The following ZNF423 variants were observed in gnomAD, a reference collection of about 807,000 sequenced individuals.
The protein encoded by ZNF423 is zinc finger protein 423, also known as Ebf-associated zinc finger protein.
ZNF423 carries 12 observed loss-of-function variants against 95.8 expected under a neutral mutation model. That is an observed-to-expected ratio of 0.13 (90% CI 0.08 to 0.20). The LOEUF (loss-of-function observed/expected upper bound fraction) is 0.20. Ranked by LOEUF, ZNF423 falls within the 10% of genes least tolerant of loss-of-function variation. ZNF423 has a pLI of 1.00. For missense variants in ZNF423, 1,316 were observed against 1,737.1 expected (o/e 0.76, Z 4.31); for synonymous variants, 749 against 711.9 (o/e 1.05, Z -0.83).
chr16:49,772,552 G>A (rs577734687), intron 2 of ZNF423, among the ~76,000 whole-genome samples: 4 of 152,294 alleles, frequency 2.6e-5, no homozygotes, highest in East Asian at 1.9e-4. Flanking sequence ...TCCCAGCTTC[G>A]GGGGCAAGGG....
At chr16:49,745,263 G>A (rs939345313) in intron 2 of ZNF423, among the ~76,000 whole-genome samples, 37 of 152,132 alleles carry the variant, frequency 2.4e-4, no homozygotes, top group Admixed American at 6.5e-5. Flanking sequence ...CAGAAAGACT[G>A]CTCATAATTA....
chr16:49,848,449 C>G (rs2035268095), intron 1 of ZNF423, among the ~76,000 whole-genome samples: 1 of 152,190 alleles, frequency 6.6e-6, no homozygotes, highest in African/African-American at 2.4e-5. Context: ...ACAAGCAAAT[C>G]TTTTTCTGTA....
chr16:49,811,241 G>T (rs1014776036), intron 1 of ZNF423, among the ~76,000 whole-genome samples: 2 of 152,204 alleles, frequency 1.3e-5, no homozygotes, highest in African/African-American at 4.8e-5. Flanking sequence ...AGGTCTGCTT[G>T]GGGGTAGTGA....
chr16:49,644,024 G>C (rs1423431305), intron 3 of ZNF423, among the ~76,000 whole-genome samples: 1 of 152,240 alleles, frequency 6.6e-6, no homozygotes, highest in African/African-American at 2.4e-5. Context: ...TCTAGGCTGA[G>C]CAGTGCAAGT....
Position 49,638,075 on chromosome 16 carries a change from A to G in ZNF423, c.1101T>C (p.Pro367=), listed in dbSNP as rs773496189. ...TCATGGAGGCCACGCTGCCCAGTACAGGGTCGGGACTGACACTGTGGTTGC... is the reference window on the plus strand; with the variant it reads ...TCATGGAGGCCACGCTGCCCAGTACGGGGTCGGGACTGACACTGTGGTTGC... ...DSSNHSVSPD[P]VLGSVASMSS... is the part of the protein sequence containing the mutation. Residue 367 remains proline, a synonymous_variant, in exon 4 of 8, where the codon CCT becomes CCC. Coordinates refer to ENST00000563137, the MANE Select transcript of ZNF423 (RefSeq NM_001379286.1). The surrounding 1 kb of genome is among the most constrained non-coding windows in gnomAD (Gnocchi z 5.6). The G allele has an allele frequency of 5.6e-6, 9 of 1,613,718 alleles. No homozygotes were observed. Among genetic ancestry groups the G allele is most frequent in the Non-Finnish European group, 3.4e-6 (4 of 1,179,972 alleles).
chr16:49,723,679 T>G (rs1163453909), intron 3 of ZNF423, among the ~76,000 whole-genome samples: 1 of 152,224 alleles, frequency 6.6e-6, no homozygotes, highest in Non-Finnish European at 1.5e-5. Flanking sequence ...TGTTTTCTTT[T>G]AGTATTTTAA....
At chr16:49,841,214 T>C (rs994429381) in intron 1 of ZNF423, among the ~76,000 whole-genome samples, 2 of 152,122 alleles carry the variant, frequency 1.3e-5, no homozygotes, top group African/African-American at 4.8e-5. Flanking sequence ...CTCCAGAAGC[T>C]TGGGGATCCT....
At chr16:49,528,012 C>T (rs555285144) in intron 5 of ZNF423, among the ~76,000 whole-genome samples, 8 of 152,310 alleles carry the variant, frequency 5.3e-5, no homozygotes, top group South Asian at 2.1e-4. Context: ...CTGGGCTTGC[C>T]TGCAGGAGGG....
intron 2 of ZNF423, among the ~76,000 whole-genome samples, chr16:49,740,523 A>G (rs910636116): frequency 1.3e-5 from 2 of 152,160 alleles, no homozygotes; most frequent in Admixed American, 1.3e-4. Flanking sequence ...AACATTTAAC[A>G]CTCAGCCTAA....
Position 49,493,894 on chromosome 16 carries a change from T to C in ZNF423, c.3850-2590A>G, listed in dbSNP as rs574652599. Among the ~76,000 whole-genome samples the C allele has an allele frequency of 7.9e-5, 12 of 152,260 alleles. No homozygotes were observed. The South Asian group carries it at 2.5e-3, about 32-fold the overall frequency. On this transcript the variant is annotated intron_variant, in intron 7 of 7. Transcript: ENST00000563137. ...TGGTGGGCACATGGCCTACGGACAGTGGAGGCCTTGAGTACCAACAAACAT... is the reference window on the plus strand; with the variant it reads ...TGGTGGGCACATGGCCTACGGACAGCGGAGGCCTTGAGTACCAACAAACAT...
intron 2 of ZNF423, among the ~76,000 whole-genome samples, chr16:49,747,088 C>T (rs1375592807): frequency 2.0e-5 from 3 of 152,096 alleles, no homozygotes; most frequent in Non-Finnish European, 4.4e-5. Flanking sequence ...TCAGTCACTG[C>T]CCACAGAAGC....
chr16:49,650,276 G>C (rs1056672361), intron 3 of ZNF423, among the ~76,000 whole-genome samples: 1 of 152,210 alleles, frequency 6.6e-6, no homozygotes, highest in Non-Finnish European at 1.5e-5. Context: ...GAGTAAGAGT[G>C]TGCACTGGCT....
chr16:49,758,430 C>T lies in ZNF423; in HGVS notation c.101-27459G>A, dbSNP rs537204304. Among the ~76,000 whole-genome samples, 8 of 152,250 alleles carry T rather than the reference C, an allele frequency of 5.3e-5. No homozygotes were observed. The East Asian group carries it at 1.5e-3, about 29-fold the overall frequency. On this transcript the variant is annotated intron_variant, in intron 2 of 7. Coordinates refer to ENST00000563137, the MANE Select transcript of ZNF423 (RefSeq NM_001379286.1). ...TTGGGATTACAGGGGTGAGCCACTG[C>T]GCCTGACCAAAAGAATTTTTAAAAT...
chr16:49,557,257 T>C (rs1375215513), intron 5 of ZNF423, among the ~76,000 whole-genome samples: 1 of 152,162 alleles, frequency 6.6e-6, no homozygotes, highest in Admixed American at 6.5e-5. Context: ...GAGGCCACGG[T>C]AAATTCTGCC....
intron 7 of ZNF423, among the ~76,000 whole-genome samples, chr16:49,499,683 A>C (rs754865070): frequency 6.6e-6 from 1 of 152,148 alleles, no homozygotes; most frequent in Non-Finnish European, 1.5e-5. Flanking sequence ...GACACAAAAG[A>C]CCAACGCAGG....
chr16:49,766,950 TTC>T (rs1319758570), intron 2 of ZNF423, among the ~76,000 whole-genome samples: 2 of 151,918 alleles, frequency 1.3e-5, no homozygotes, highest in Non-Finnish European at 2.9e-5. Flanking sequence ...CAGAACCCAA[TTC>T]TTTTTTTTTC....
chr16:49,753,731 C>T (rs1213694389), intron 2 of ZNF423, among the ~76,000 whole-genome samples: 4 of 152,236 alleles, frequency 2.6e-5, no homozygotes, highest in Non-Finnish European at 4.4e-5. Context: ...TTGAATGGCA[C>T]GAGGAAGCCA....
At chr16:49,645,519 G>C (rs564373912) in intron 3 of ZNF423, among the ~76,000 whole-genome samples, 1 of 152,338 alleles carries the variant, frequency 6.6e-6, no homozygotes, top group Admixed American at 6.5e-5. Flanking sequence ...ACTGGAAAGA[G>C]GAGTCTCCTG....
In ZNF423 at chr16:49,789,549, G is replaced by GA. The variant is rs1239625311; in HGVS notation, c.41-4dup. 18 of 1,611,710 alleles carry GA rather than the reference G, an allele frequency of 1.1e-5. No homozygotes were observed. Among genetic ancestry groups the GA allele is most frequent in the African/African-American group, 1.1e-4 (8 of 74,856 alleles). ...GTCTGAGGCCTCCCCCTCTTCAACT[G>GA]AAAGAGAGAACAGAGATGGGCCTGT... On this transcript the variant is annotated splice_region_variant and splice_polypyrimidine_tract_variant and intron_variant, in intron 1 of 7. Transcript: ENST00000563137.
Sources: allele counts gnomAD v4.1 joint callset (sites outside exome capture counted in the v4.1 genomes callset), GRCh38; gene constraint gnomAD v4.1.1; non-coding constraint Gnocchi (gnomAD v3.1); transcripts MANE v1.5; gene names NCBI Gene and HGNC (gene_info 2026-07-23, HGNC 2026-07-21).